The following ATG7 variants were observed in gnomAD, a reference collection of about 807,000 sequenced individuals.
ATG7 encodes the protein autophagy related 7.
ATG7 carries 70 observed loss-of-function variants against 82.4 expected under a neutral mutation model. The observed-to-expected ratio is 0.85, with a 90% CI of 0.70 to 1.04. ATG7 has a LOEUF of 1.04. Among genes scored for constraint, ATG7 ranks in the 50% least tolerant of loss-of-function variants. The probability of loss-of-function intolerance (pLI) is 0.00; values close to 1 mark genes in which losing one functional copy is unlikely to be tolerated. For missense variants in ATG7, 792 were observed against 864.3 expected (o/e 0.92, Z 1.05); for synonymous variants, 287 against 313.0 (o/e 0.92, Z 0.88).
intron 19 of ATG7, among the ~76,000 whole-genome samples, chr3:11,415,684 G>C (rs935497066): frequency 2.6e-5 from 4 of 151,892 alleles, no homozygotes; most frequent in Admixed American, 6.6e-5. Flanking sequence ...CCACTGGAAG[G>C]TCTTCAGGGG....
At chr3:11,527,014 A>G (rs1278709895) in intron 20 of ATG7, among the ~76,000 whole-genome samples, 5 of 149,686 alleles carry the variant, frequency 3.3e-5, no homozygotes, top group Admixed American at 6.7e-5. Flanking sequence ...TACTATATAT[A>G]TAGTATATAT....
chr3:11,364,593 C>T (rs1053705240), intron 17 of ATG7, 66 bp from the exon 18 acceptor site: 2 of 1,538,102 alleles, frequency 1.3e-6, no homozygotes, highest in Non-Finnish European at 1.8e-6. Flanking sequence ...TAGATTTCTG[C>T]TAGATCATCC....
chr3:11,553,456 G>A (rs2596815), intron 20 of ATG7, among the ~76,000 whole-genome samples: 116,370 of 152,130 alleles, frequency 0.76, 45,012 homozygotes, highest in East Asian at 1. Context: ...TCTTCCACTC[G>A]GACCATCAGA....
chr3:11,517,129 C>T (rs1575157282), intron 20 of ATG7, among the ~76,000 whole-genome samples: 4 of 151,950 alleles, frequency 2.6e-5, no homozygotes, highest in South Asian at 2.1e-4. Flanking sequence ...CTGAAAAAGG[C>T]AGCATACTGA....
intron 20 of ATG7, among the ~76,000 whole-genome samples, chr3:11,511,513 T>C (rs573055695): frequency 8.5e-5 from 13 of 152,322 alleles, no homozygotes; most frequent in African/African-American, 2.9e-4. Context: ...CCCACCAGAC[T>C]CAGGAGCCCA....
intron 1 of ATG7, among the ~76,000 whole-genome samples, chr3:11,278,222 A>T (rs1157817712): frequency 6.6e-6 from 1 of 152,224 alleles, no homozygotes; most frequent in Non-Finnish European, 1.5e-5. Context: ...TTACAAAGAT[A>T]ACAGGATTAA....
At chr3:11,373,665 C>T (rs1278881202) in intron 18 of ATG7, among the ~76,000 whole-genome samples, 1 of 152,198 alleles carries the variant, frequency 6.6e-6, no homozygotes, top group Admixed American at 6.5e-5. Flanking sequence ...AAGGACAAAT[C>T]TTTTTAACTT....
intron 1 of ATG7, among the ~76,000 whole-genome samples, chr3:11,273,314 T>G (rs79188637): frequency 6.6e-6 from 1 of 152,228 alleles, no homozygotes; most frequent in East Asian, 1.9e-4. Context: ...TGGCCAGATT[T>G]CTTCAGTGAC....
chr3:11,315,479 G>A lies in ATG7; in HGVS notation c.664G>A (p.Gly222Ser), dbSNP rs770020620. Residue 222 changes from glycine (G) to serine (S), a missense_variant, in exon 9 of 21, where the codon GGT (glycine) becomes AGT (serine). Gly to Ser is a moderately conservative substitution (Grantham distance 56). Coordinates refer to ENST00000693202, the MANE Select transcript of ATG7 (RefSeq NM_001349232.2). ...LLKHYSDFFQGQRTKITIGVY... is the reference protein window; with the variant it reads ...LLKHYSDFFQSQRTKITIGVY... ...TAAACACTACAGTGATTTCTTCCAA[G>A]GTCAAAGGACGAAGGTCAGATAAAC... 1 of 1,597,228 alleles carries A rather than the reference G, an allele frequency of 6.3e-7. No individual in the cohort carries two copies. Among genetic ancestry groups the A allele is most frequent in the Admixed American group, 1.8e-5 (1 of 56,390 alleles).
chr3:11,515,814 T>A (rs915020812), intron 20 of ATG7, among the ~76,000 whole-genome samples: 7 of 152,088 alleles, frequency 4.6e-5, no homozygotes, highest in South Asian at 2.1e-4. Context: ...GATAAGACAA[T>A]GAATTCTCTT....
intron 12 of ATG7, among the ~76,000 whole-genome samples, 175 bp from the exon 13 acceptor site, chr3:11,341,960 A>C (rs975613018): frequency 6.6e-6 from 1 of 152,182 alleles, no homozygotes; most frequent in African/African-American, 2.4e-5. Context: ...CTCCAACAGC[A>C]TGCTGCTGGG....
chr3:11,292,874 C>G (rs1341531441), intron 3 of ATG7, among the ~76,000 whole-genome samples: 2 of 152,046 alleles, frequency 1.3e-5, no homozygotes, highest in Admixed American at 1.3e-4. Flanking sequence ...ATTGAACAAC[C>G]CTTGCTGCTG....
In ATG7 at chr3:11,347,879, T is replaced by C. The variant is rs1359734583; in HGVS notation, c.1128T>C (p.Gly376=). The C allele has an allele frequency of 6.2e-6, 10 of 1,613,476 alleles. No homozygotes were observed. Among genetic ancestry groups the C allele is most frequent in the Middle Eastern group, 1.7e-4 (1 of 6,010 alleles). Residue 376 remains glycine (G), a splice_region_variant and synonymous_variant, in exon 14 of 21, where the codon GGT becomes GGC. Transcript: ENST00000693202. ...CATGATCTCCTGTTTCCACACAGGG[T>C]TGGGGCGTGAGACACATCACATTTG... ...LGCNVARTLM[G]WGVRHITFVD...
intron 20 of ATG7, among the ~76,000 whole-genome samples, chr3:11,514,041 T>G (rs1169300543): frequency 6.6e-6 from 1 of 152,202 alleles, no homozygotes; most frequent in Non-Finnish European, 1.5e-5. Context: ...AAGCTAATTT[T>G]TTTTTGGTTT....
chr3:11,356,204 T>C (rs1024551406), intron 14 of ATG7, among the ~76,000 whole-genome samples: 3 of 152,246 alleles, frequency 2.0e-5, no homozygotes, highest in African/African-American at 7.2e-5. Flanking sequence ...ATGAAAATGT[T>C]CTATATCTTG....
At chr3:11,374,597 C>T (rs2077252385) in intron 18 of ATG7, among the ~76,000 whole-genome samples, 1 of 152,118 alleles carries the variant, frequency 6.6e-6, no homozygotes, top group Admixed American at 6.6e-5. Context: ...CTAAAATAAA[C>T]TGTTGTGCTT....
chr3:11,431,879 A>T (rs1465852932), intron 20 of ATG7, among the ~76,000 whole-genome samples: 1 of 152,186 alleles, frequency 6.6e-6, no homozygotes, highest in Non-Finnish European at 1.5e-5. Flanking sequence ...GGCACATAGT[A>T]ATGAATTGGA....
At chr3:11,411,545 G>A (rs1191269043) in intron 19 of ATG7, among the ~76,000 whole-genome samples, 2 of 147,754 alleles carry the variant, frequency 1.4e-5, no homozygotes, top group Non-Finnish European at 3.0e-5. Flanking sequence ...ACTTGAACCT[G>A]GGAGGTGGAG....
At chr3:11,371,702 A>G (rs560732375) in intron 18 of ATG7, among the ~76,000 whole-genome samples, 1 of 151,220 alleles carries the variant, frequency 6.6e-6, no homozygotes, top group Non-Finnish European at 1.5e-5. Context: ...GCTTCTGTCC[A>G]TGAAAACATG....
Sources: gnomAD v4.1 joint callset for allele counts (sites outside exome capture counted in the v4.1 genomes callset) on GRCh38, gnomAD v4.1.1 for gene constraint, MANE v1.5 for transcripts, NCBI Gene and HGNC (gene_info 2026-07-23, HGNC 2026-07-21) for gene names.